The following ASPH variants were observed in gnomAD, a reference collection of about 807,000 sequenced individuals.
The protein encoded by ASPH is aspartate beta-hydroxylase.
ASPH carries 100 observed loss-of-function variants against 118.4 expected under a neutral mutation model. That is an observed-to-expected ratio of 0.84 (90% CI 0.72 to 1.00). The LOEUF is 1.00. Among genes scored for constraint, ASPH ranks in the 50% least tolerant of loss-of-function variants. The pLI, the probability that ASPH is intolerant of heterozygous loss-of-function variation, is 0.00. For missense variants in ASPH, 920 were observed against 919.5 expected, an observed-to-expected ratio of 1.00 and a Z score of -0.01; for synonymous variants, 315 against 325.6, an observed-to-expected ratio of 0.97 and a Z score of 0.35.
intron 22 of ASPH, among the ~76,000 whole-genome samples, chr8:61,519,322 A>G (rs1367423415): frequency 6.6e-6 from 1 of 152,320 alleles, no homozygotes; most frequent in South Asian, 2.1e-4. Flanking sequence ...AATTTTAAAA[A>G]ATATTTCCAG....
At chr8:61,593,540 G>C (rs1409331270) in intron 14 of ASPH, among the ~76,000 whole-genome samples, 1 of 152,162 alleles carries the variant, frequency 6.6e-6, no homozygotes, top group East Asian at 1.9e-4. Flanking sequence ...AGTATATAAA[G>C]GGCAATTGTT....
At chr8:61,682,359 TAATA>T in intron 2 of ASPH, 1 of 1,413,614 alleles carries the variant, frequency 7.1e-7, no homozygotes, top group Non-Finnish European at 9.9e-7. Flanking sequence ...CTGATGTAGA[TAATA>T]ATTAAATTAG....
intron 9 of ASPH, 90 bp downstream of exon 9, chr8:61,643,292 ATGCC>A (rs1806172545): frequency 8.0e-7 from 1 of 1,245,720 alleles, no homozygotes; most frequent in Admixed American, 2.3e-5. Context: ...TACTTCTTTG[ATGCC>A]TTTAAAAGAA....
At position 61,555,974 on chromosome 8, in the gene ASPH, A is replaced by G. The variant is rs1309363471; in HGVS notation, c.1486T>C (p.Phe496Leu). ...NDGFAKVHYG[F>L]ILKAQNKIAE... Reference sequence around the variant, plus strand: ...ATTTTGTTCTGTGCCTTCAGGATGAAGCCATAATGGACTTTAGCAAAGCCA... The same window carrying G: ...ATTTTGTTCTGTGCCTTCAGGATGAGGCCATAATGGACTTTAGCAAAGCCA... Residue 496 changes from phenylalanine (F) to leucine (L), a missense_variant, in exon 19 of 25, where the codon TTC becomes CTC. Physicochemically the swap from Phe to Leu is conservative, Grantham distance 22. Transcript: ENST00000379454. 1 of 1,614,002 alleles carries G rather than the reference A, an allele frequency of 6.2e-7. No homozygotes were observed. Among genetic ancestry groups the G allele is most frequent in the Non-Finnish European group, 8.5e-7 (1 of 1,180,016 alleles).
chr8:61,713,002 C>T (rs1370161795), intron 1 of ASPH, among the ~76,000 whole-genome samples: 1 of 152,192 alleles, frequency 6.6e-6, no homozygotes, highest in Non-Finnish European at 1.5e-5. Flanking sequence ...TCGGCTGAGG[C>T]AATTAATCTA....
intron 3 of ASPH, among the ~76,000 whole-genome samples, chr8:61,676,774 T>C (rs1825616187): frequency 6.6e-6 from 1 of 152,110 alleles, no homozygotes; most frequent in Non-Finnish European, 1.5e-5. Context: ...CGTTCATTTG[T>C]TCATTCAAAC....
At chr8:61,544,745 G>A (rs1310041209) in intron 21 of ASPH, among the ~76,000 whole-genome samples, 2 of 152,152 alleles carry the variant, frequency 1.3e-5, no homozygotes, top group African/African-American at 4.8e-5. Flanking sequence ...CCTAATTTTT[G>A]AGAACCCATC....
At chr8:61,633,766 C>A (rs150172741) in intron 12 of ASPH, 39 bp from the exon 13 acceptor site, 1 of 1,430,004 alleles carries the variant, frequency 7.0e-7, no homozygotes, top group Non-Finnish European at 9.6e-7. Context: ...TTACATATTG[C>A]TGATCAGTGT....
At chr8:61,678,071 T>C (rs1041375396) in intron 3 of ASPH, among the ~76,000 whole-genome samples, 6 of 152,110 alleles carry the variant, frequency 3.9e-5, no homozygotes, top group Non-Finnish European at 7.4e-5. Flanking sequence ...AGATCTGGTC[T>C]TCTCCTCCCA....
intron 3 of ASPH, among the ~76,000 whole-genome samples, chr8:61,671,995 A>T (rs1040431849): frequency 6.6e-6 from 1 of 152,156 alleles, no homozygotes; most frequent in Admixed American, 6.5e-5. Context: ...CACTCTCACC[A>T]TTTCTAGTGA....
chr8:61,504,863 T>TAACA (rs1280998805), intron 24 of ASPH, among the ~76,000 whole-genome samples: 2 of 152,180 alleles, frequency 1.3e-5, no homozygotes, highest in African/African-American at 4.8e-5. Flanking sequence ...TTATGTAAAC[T>TAACA]AACAGATAAA....
chr8:61,633,807 G>T, intron 12 of ASPH, 80 bp from the exon 13 acceptor site: 1 of 951,318 alleles, frequency 1.1e-6, no homozygotes, highest in Middle Eastern at 3.0e-4. Flanking sequence ...TTTAAGTAAT[G>T]ATGATACTTT....
intron 1 of ASPH, chr8:61,689,792 G>C: frequency 1.3e-6 from 2 of 1,492,684 alleles, no homozygotes; most frequent in Non-Finnish European, 1.8e-6. Flanking sequence ...GCATGCACTT[G>C]CCTACCAGAG....
chr8:61,635,440 G>A (rs1357879676), intron 12 of ASPH, among the ~76,000 whole-genome samples: 2 of 151,972 alleles, frequency 1.3e-5, no homozygotes, highest in Admixed American at 1.3e-4. Context: ...CACCCAACTA[G>A]CTCAGGTTGG....
At chr8:61,573,077 C>T (rs1237918325) in intron 16 of ASPH, among the ~76,000 whole-genome samples, 2 of 152,092 alleles carry the variant, frequency 1.3e-5, no homozygotes, top group Non-Finnish European at 2.9e-5. Context: ...AATAGACAAG[C>T]AGAGAGCCAA....
chr8:61,714,326 T>C lies in ASPH; in HGVS notation c.46A>G (p.Ser16Gly). The change falls in exon 1 of 25, where the codon AGC becomes GGC. Residue 16 changes from serine to glycine, a missense_variant. Coordinates refer to ENST00000379454, the MANE Select transcript of ASPH (RefSeq NM_004318.4). ...NAKSSGNSSS[S>G]GSGSGSTSAG... ...CTCGTGCTACCGCTGCCGGAGCCGC[T>C]GCTGCTGCTGTTGCCGCTGCTCTTG... 2 of 1,513,696 alleles carry C rather than the reference T, an allele frequency of 1.3e-6. No individual in the cohort carries two copies. Among genetic ancestry groups the C allele is most frequent in the South Asian group, 1.2e-5 (1 of 80,664 alleles). 93.8% of individuals were successfully genotyped at this position (1,513,696 alleles called of 1,614,324 possible). A position where few individuals can be genotyped will look rare whatever the true frequency, so the allele number is the denominator to read the frequency against.
chr8:61,597,444 G>A (rs1842803495), intron 14 of ASPH, among the ~76,000 whole-genome samples: 1 of 152,110 alleles, frequency 6.6e-6, no homozygotes, highest in Non-Finnish European at 1.5e-5. Context: ...TTATGGATAT[G>A]AACAGAGGCA....
intron 15 of ASPH, chr8:61,579,464 C>T (rs1836653731): frequency 5.0e-6 from 8 of 1,606,624 alleles, no homozygotes; most frequent in Non-Finnish European, 5.1e-6. Context: ...ATACGAAGAC[C>T]ACCAGCGGCT....
intron 17 of ASPH, among the ~76,000 whole-genome samples, chr8:61,563,600 C>G (rs1563832918): frequency 6.6e-6 from 1 of 152,206 alleles, no homozygotes; most frequent in African/African-American, 2.4e-5. Flanking sequence ...ATGGGAGTGT[C>G]AGTACGCTAA....
Sources: allele counts gnomAD v4.1 joint callset (sites outside exome capture counted in the v4.1 genomes callset), GRCh38; gene constraint gnomAD v4.1.1; transcripts MANE v1.5; gene names NCBI Gene and HGNC (gene_info 2026-07-23, HGNC 2026-07-21).